The following PDZD8 variants were observed in gnomAD, a reference collection of about 807,000 sequenced individuals.
The protein encoded by PDZD8 is PDZ domain containing 8.
PDZD8 carries 14 observed loss-of-function variants against 85.8 expected under a neutral mutation model. The ratio of observed to expected loss-of-function variants is 0.16; its 90% CI spans 0.11 to 0.26. The LOEUF (loss-of-function observed/expected upper bound fraction) is 0.26, where lower values mean the gene tolerates loss of function less well. Among genes scored for constraint, PDZD8 ranks in the 10% least tolerant of loss-of-function variants. The pLI, the probability that PDZD8 is intolerant of heterozygous loss-of-function variation, is 1.00. For synonymous variants in PDZD8, 592 were observed against 568.6 expected (o/e 1.04, Z -0.59); for missense variants, 1,197 against 1,424.3 (o/e 0.84, Z 2.57).
chr10:117,292,717 C>T (rs557847371), intron 3 of PDZD8, among the ~76,000 whole-genome samples: 1 of 150,590 alleles, frequency 6.6e-6, no homozygotes, highest in East Asian at 1.9e-4. Context: ...TAAATCATAT[C>T]TTTCCCTTTG....
intron 1 of PDZD8, among the ~76,000 whole-genome samples, chr10:117,369,449 G>A (rs1435860571): frequency 3.9e-5 from 6 of 151,996 alleles, no homozygotes; most frequent in African/African-American, 1.2e-4. Flanking sequence ...GTGAGCCACC[G>A]CACCTGGCCA....
Position 117,375,307 on chromosome 10 carries a change from A to AT in PDZD8, c.-81dup. ...TCACGCCGCCGCCCCCGCTGCCTCC[A>AT]TTTTGAGGACATCGGGCGGCTGGGT... On this transcript the variant is annotated 5_prime_UTR_variant, in exon 1 of 5. The change creates a new upstream start codon in the 5' untranslated region. Coordinates refer to ENST00000334464, the MANE Select transcript of PDZD8 (RefSeq NM_173791.5). 1 of 1,301,700 alleles carries AT rather than the reference A, an allele frequency of 7.7e-7. No homozygotes were observed. The highest frequency in any genetic ancestry group is 1.0e-6 in the Non-Finnish European group (1 of 992,976). 80.6% of individuals were successfully genotyped at this position (1,301,700 alleles called of 1,614,324 possible). A position where few individuals can be genotyped will look rare whatever the true frequency, so the allele number is the denominator to read the frequency against.
rs143428470 is a variant in PDZD8, at chr10:117,284,362, T to C, written c.2371A>G (p.Ile791Val). The change falls in exon 5 of 5, where the codon ATT becomes GTT. Residue 791 changes from isoleucine (I) to valine (V), a missense_variant. Physicochemically the swap from Ile to Val is conservative, Grantham distance 29 (BLOSUM62 3). Coordinates refer to ENST00000334464, the MANE Select transcript of PDZD8 (RefSeq NM_173791.5). ...CCTTCTTTCAAATATTTGAAGTGAATAGTAATGTCACCATAGCAAAATTTG... is the reference window on the plus strand; with the variant it reads ...CCTTCTTTCAAATATTTGAAGTGAACAGTAATGTCACCATAGCAAAATTTG... Reference protein sequence around the residue: ...NDKFCYGDITIHFKYLKEGES... With the variant: ...NDKFCYGDITVHFKYLKEGES... The C allele has an allele frequency of 5.6e-6, 9 of 1,614,064 alleles. No individual in the cohort carries two copies. In the African/African-American group the frequency reaches 8.0e-5, roughly 14 times the overall value.
chr10:117,280,517 T>C lies in PDZD8; in HGVS notation c.*2751A>G, dbSNP rs1044070478. On this transcript the variant is annotated 3_prime_UTR_variant, in exon 5 of 5. Coordinates refer to ENST00000334464, the MANE Select transcript of PDZD8 (RefSeq NM_173791.5). ...TTGTTTTCTGTGGTAGTCTTTATTATTATTTTTTAGCTATTGATACATAGC... is the reference window on the plus strand; with the variant it reads ...TTGTTTTCTGTGGTAGTCTTTATTACTATTTTTTAGCTATTGATACATAGC... The C allele has an allele frequency of 6.6e-6, 1 of 152,200 alleles. No individual in the cohort carries two copies. The highest frequency in any genetic ancestry group is 2.4e-5 in the African/African-American group (1 of 41,448). 9.4% of individuals were successfully genotyped at this position (152,200 alleles called of 1,614,324 possible). A position where few individuals can be genotyped will look rare whatever the true frequency, so the allele number is the denominator to read the frequency against.
At chr10:117,293,379 A>T (rs147552293) in intron 3 of PDZD8, among the ~76,000 whole-genome samples, 2 of 152,206 alleles carry the variant, frequency 1.3e-5, no homozygotes, top group African/African-American at 4.8e-5. Flanking sequence ...ACATAAATAG[A>T]AACCCTAAAT....
At chr10:117,348,906 T>C (rs1043455091) in intron 1 of PDZD8, among the ~76,000 whole-genome samples, 1 of 152,144 alleles carries the variant, frequency 6.6e-6, no homozygotes, top group African/African-American at 2.4e-5. Context: ...CTAAACCAAG[T>C]CTGAAGGAGC....
intron 1 of PDZD8, among the ~76,000 whole-genome samples, chr10:117,356,301 A>G (rs1339624620): frequency 6.6e-6 from 1 of 152,148 alleles, no homozygotes; most frequent in African/African-American, 2.4e-5. Flanking sequence ...TTTGTGACAT[A>G]AAAAAAGAAA....
intron 1 of PDZD8, among the ~76,000 whole-genome samples, chr10:117,353,612 T>G (rs1052744576): frequency 6.6e-6 from 1 of 152,122 alleles, no homozygotes; most frequent in Non-Finnish European, 1.5e-5. Context: ...AAAGGTTTGA[T>G]AGTGGGATTA....
intron 1 of PDZD8, among the ~76,000 whole-genome samples, chr10:117,348,220 T>C (rs529198028): frequency 1.3e-5 from 2 of 152,312 alleles, no homozygotes; most frequent in African/African-American, 2.4e-5. Context: ...TCTGATAAAA[T>C]AATAAAATCA....
intron 3 of PDZD8, among the ~76,000 whole-genome samples, chr10:117,294,270 A>G (rs1843715529): frequency 6.6e-6 from 1 of 151,936 alleles, no homozygotes; most frequent in Admixed American, 6.6e-5. Flanking sequence ...GGCTAAACTG[A>G]TCAAGAAACA....
chr10:117,374,345 C>G lies in PDZD8; in HGVS notation c.872+11G>C, dbSNP rs1845249314. On this transcript the variant is annotated intron_variant, in intron 1 of 4. Coordinates refer to ENST00000334464, the MANE Select transcript of PDZD8 (RefSeq NM_173791.5). The surrounding 1 kb of genome is among the most constrained non-coding windows in gnomAD (Gnocchi z 7.8). ...CCGGCAGCCAGGCCCCCTCCCCGAC[C>G]TCCAGCTCACCTGATCTTGTAATTC... The G allele has an allele frequency of 1.2e-6, 2 of 1,609,874 alleles. No homozygotes were observed. Among genetic ancestry groups the G allele is most frequent in the Admixed American group, 1.7e-5 (1 of 59,942 alleles).
chr10:117,286,306 T>A (rs1844662915), intron 4 of PDZD8, among the ~76,000 whole-genome samples: 1 of 152,234 alleles, frequency 6.6e-6, no homozygotes, highest in East Asian at 1.9e-4. Flanking sequence ...CTAGGTGTGT[T>A]AGCACTTAAA....
chr10:117,355,442 C>T (rs2133869694), intron 1 of PDZD8, among the ~76,000 whole-genome samples: 1 of 152,304 alleles, frequency 6.6e-6, no homozygotes, highest in Middle Eastern at 3.4e-3. Context: ...CTCCTCCCAA[C>T]TAAATTGTGA....
At chr10:117,354,687 C>G (rs750616000) in intron 1 of PDZD8, among the ~76,000 whole-genome samples, 3 of 152,148 alleles carry the variant, frequency 2.0e-5, no homozygotes, top group Admixed American at 2.0e-4. Context: ...GAGAGTAGAA[C>G]GAGCAGCTAT....
chr10:117,346,086 T>C (rs1333800815), intron 1 of PDZD8, among the ~76,000 whole-genome samples: 1 of 151,354 alleles, frequency 6.6e-6, no homozygotes, highest in Non-Finnish European at 1.5e-5. Context: ...ACTAAAAATA[T>C]AAAAATTAGC....
At chr10:117,289,321 G>C (rs962382988) in intron 4 of PDZD8, among the ~76,000 whole-genome samples, 2 of 152,206 alleles carry the variant, frequency 1.3e-5, no homozygotes, top group African/African-American at 4.8e-5. Flanking sequence ...TCTTTGACAT[G>C]TAACCAAGGA....
intron 3 of PDZD8, among the ~76,000 whole-genome samples, chr10:117,300,739 C>T (rs990537370): frequency 2.0e-5 from 3 of 152,118 alleles, no homozygotes; most frequent in African/African-American, 4.8e-5. Context: ...AGGGTGGAGC[C>T]CTCTTTTATT....
intron 3 of PDZD8, among the ~76,000 whole-genome samples, chr10:117,311,793 GT>G (rs1260658697): frequency 3.9e-5 from 6 of 151,914 alleles, no homozygotes; most frequent in Admixed American, 3.9e-4. Flanking sequence ...ATGAGTAACA[GT>G]TCTAAGAAGT....
At chr10:117,366,523 T>C (rs1439736043) in intron 1 of PDZD8, among the ~76,000 whole-genome samples, 3 of 152,028 alleles carry the variant, frequency 2.0e-5, no homozygotes, top group African/African-American at 4.8e-5. Flanking sequence ...AAAGGCCAGA[T>C]AGTATTTGTG....
Sources: allele counts gnomAD v4.1 joint callset (sites outside exome capture counted in the v4.1 genomes callset), GRCh38; gene constraint gnomAD v4.1.1; non-coding constraint Gnocchi (gnomAD v3.1); transcripts MANE v1.5; gene names NCBI Gene and HGNC (gene_info 2026-07-23, HGNC 2026-07-21).